TRABD2B: variants seen among roughly 807,000 people sequenced by gnomAD.
The protein encoded by TRABD2B is metalloprotease TIKI2.
TRABD2B carries 14 observed loss-of-function variants against 40.1 expected under a neutral mutation model. That is an observed-to-expected ratio of 0.35 (90% CI 0.23 to 0.55). The LOEUF is 0.55. Ranked by LOEUF, TRABD2B falls within the 20% of genes least tolerant of loss-of-function variation. TRABD2B has a pLI of 0.90. For missense variants in TRABD2B, 541 were observed against 648.6 expected, an observed-to-expected ratio of 0.83 and a Z score of 1.80; for synonymous variants, 263 against 277.0, an observed-to-expected ratio of 0.95 and a Z score of 0.50.
At chr1:47,899,256 G>A (rs1644566068) in intron 2 of TRABD2B, among the ~76,000 whole-genome samples, 1 of 152,188 alleles carries the variant, frequency 6.6e-6, no homozygotes, top group Admixed American at 6.5e-5. Context: ...TCTGCAAGTG[G>A]AGTGCCCTCA....
intron 2 of TRABD2B, among the ~76,000 whole-genome samples, chr1:47,809,503 C>G (rs922167919): frequency 1.3e-5 from 2 of 152,190 alleles, no homozygotes; most frequent in Non-Finnish European, 2.9e-5. Flanking sequence ...AGACCCTGGG[C>G]CCAAATCATC....
At chr1:47,931,754 T>C (rs1645043087) in intron 2 of TRABD2B, among the ~76,000 whole-genome samples, 2 of 152,094 alleles carry the variant, frequency 1.3e-5, no homozygotes. Flanking sequence ...GACAGCAAAA[T>C]GGCCCAGCTG....
chr1:47,992,503 G>A (rs974495505), intron 2 of TRABD2B, among the ~76,000 whole-genome samples: 7 of 152,180 alleles, frequency 4.6e-5, no homozygotes, highest in Admixed American at 2.6e-4. Flanking sequence ...TGCAAAGAGA[G>A]TGTTGAGAGT....
intron 2 of TRABD2B, among the ~76,000 whole-genome samples, chr1:47,985,677 T>C (rs532904055): frequency 2.0e-5 from 3 of 152,340 alleles, no homozygotes; most frequent in Admixed American, 2.0e-4. Flanking sequence ...GTGGCCCAAG[T>C]ACAATTTACC....
rs12562629 is a variant in TRABD2B at position 47,861,913 on chromosome 1, C to G, written c.667-60294G>C. 2.0e-5 allele frequency among the ~76,000 whole-genome samples: 3 copies of G among 152,096 alleles called. No homozygotes were observed. In the East Asian group the frequency reaches 5.8e-4, roughly 29 times the overall value. On this transcript the variant is annotated intron_variant, in intron 2 of 6. Coordinates refer to ENST00000606738, the MANE Select transcript of TRABD2B (RefSeq NM_001194986.2). ...AATAATGTATAAAAAGAATTACATA[C>G]CACAACCAAGTGGGATTTATCTCAG...
intron 2 of TRABD2B, among the ~76,000 whole-genome samples, chr1:47,872,253 A>G (rs1644152821): frequency 6.6e-6 from 1 of 152,136 alleles, no homozygotes; most frequent in Non-Finnish European, 1.5e-5. Context: ...TCCCAGGATA[A>G]CATTCCACTC....
intron 2 of TRABD2B, among the ~76,000 whole-genome samples, chr1:47,936,311 A>G (rs904329710): frequency 6.6e-6 from 1 of 152,250 alleles, no homozygotes; most frequent in Non-Finnish European, 1.5e-5. Context: ...GAGCAGCCCT[A>G]CATTAGGGCA....
At chr1:47,806,955 AC>A (rs979665624) in intron 2 of TRABD2B, among the ~76,000 whole-genome samples, 1 of 152,164 alleles carries the variant, frequency 6.6e-6, no homozygotes, top group African/African-American at 2.4e-5. Flanking sequence ...CAAGGGAATC[AC>A]TGCAAAGGCC....
intron 2 of TRABD2B, among the ~76,000 whole-genome samples, chr1:47,881,778 CAT>C (rs1330105415): frequency 1.1e-4 from 16 of 152,198 alleles, no homozygotes; most frequent in Admixed American, 9.8e-4. Context: ...ATAGACACCA[CAT>C]GTCTGCATGG....
intron 4 of TRABD2B, among the ~76,000 whole-genome samples, chr1:47,793,681 G>A (rs1201881393): frequency 6.6e-6 from 1 of 152,230 alleles, no homozygotes; most frequent in African/African-American, 2.4e-5. Flanking sequence ...ATAAATGTCT[G>A]TTGCTGTCAG....
chr1:47,783,244 C>T (rs193216039), intron 4 of TRABD2B, among the ~76,000 whole-genome samples: 1 of 151,174 alleles, frequency 6.6e-6, no homozygotes, highest in Admixed American at 6.6e-5. Flanking sequence ...ACAGAGACAA[C>T]AGTAGGGAGA....
chr1:47,948,392 T>G (rs1645289843), intron 2 of TRABD2B, among the ~76,000 whole-genome samples: 1 of 152,180 alleles, frequency 6.6e-6, no homozygotes, highest in African/African-American at 2.4e-5. Context: ...CCAGCAAACC[T>G]GCTGTGCTTA....
chr1:47,819,340 T>A (rs1420425761), intron 2 of TRABD2B: 2 of 152,276 alleles, frequency 1.3e-5, no homozygotes, highest in Admixed American at 6.5e-5. Flanking sequence ...GAGTGTTTGG[T>A]CTGCAGTCAC....
intron 2 of TRABD2B, among the ~76,000 whole-genome samples, chr1:47,988,336 G>A (rs1645950799): frequency 6.6e-6 from 1 of 152,164 alleles, no homozygotes; most frequent in Admixed American, 6.5e-5. Context: ...CCACCTCTCA[G>A]GGCATAAAAG....
intron 6 of TRABD2B, among the ~76,000 whole-genome samples, chr1:47,769,353 G>T (rs1400910454): frequency 6.6e-6 from 1 of 152,178 alleles, no homozygotes; most frequent in Non-Finnish European, 1.5e-5. Context: ...CCATCAGAAG[G>T]CGAGACCAAG....
At chr1:47,859,242 C>T (rs187783856) in intron 2 of TRABD2B, among the ~76,000 whole-genome samples, 1 of 152,268 alleles carries the variant, frequency 6.6e-6, no homozygotes, top group Admixed American at 6.5e-5. Context: ...CCCTCTCTAA[C>T]CCATCTGGCC....
intron 2 of TRABD2B, among the ~76,000 whole-genome samples, chr1:47,887,505 T>G (rs1384868856): frequency 6.6e-6 from 1 of 151,952 alleles, no homozygotes; most frequent in Non-Finnish European, 1.5e-5. Context: ...ATAAGCACAC[T>G]TAAATCTCCC....
chr1:47,885,807 C>T (rs1355466213), intron 2 of TRABD2B, among the ~76,000 whole-genome samples: 2 of 152,162 alleles, frequency 1.3e-5, no homozygotes, highest in South Asian at 2.1e-4. Context: ...GTCCTGAGTG[C>T]TCAGCTGAGA....
At chr1:47,785,860 G>C (rs1157264639) in intron 4 of TRABD2B, among the ~76,000 whole-genome samples, 1 of 152,222 alleles carries the variant, frequency 6.6e-6, no homozygotes, top group African/African-American at 2.4e-5. Context: ...GGCAGGGACA[G>C]GGCCCCACGC....
Sources: allele counts gnomAD v4.1 joint callset (sites outside exome capture counted in the v4.1 genomes callset), GRCh38; gene constraint gnomAD v4.1.1; transcripts MANE v1.5; gene names NCBI Gene and HGNC (gene_info 2026-07-23, HGNC 2026-07-21).